The following ZMYND8 variants were observed in gnomAD, a reference collection of about 807,000 sequenced individuals.
ZMYND8 encodes the protein zinc finger MYND-type containing 8.
A neutral mutation model predicts 140.8 loss-of-function variants in ZMYND8; 37 were observed. That is an observed-to-expected ratio of 0.26 (90% CI 0.20 to 0.35). The LOEUF is 0.35. Ranked by LOEUF, ZMYND8 falls within the 10% of genes least tolerant of loss-of-function variation. The pLI is 1.00. For missense variants in ZMYND8, 1,068 were observed against 1,570.0 expected (o/e 0.68, Z 5.40); for synonymous variants, 592 against 597.1 (o/e 0.99, Z 0.12).
chr20:47,280,158 G>A (rs1056293833), intron 10 of ZMYND8, among the ~76,000 whole-genome samples: 3 of 148,860 alleles, frequency 2.0e-5, no homozygotes, highest in Admixed American at 1.3e-4. Flanking sequence ...GGTGGTCAGA[G>A]ACTCCCTGCC....
intron 12 of ZMYND8, 58 bp from the exon 13 acceptor site, chr20:47,249,497 C>G: frequency 6.4e-7 from 1 of 1,574,016 alleles, no homozygotes. Context: ...CATCACGGAG[C>G]TTCGTCCTTG....
At chr20:47,290,040 G>T in intron 7 of ZMYND8, 147 bp downstream of exon 7, 2 of 657,202 alleles carry the variant, frequency 3.0e-6, no homozygotes, top group Non-Finnish European at 4.7e-6. Flanking sequence ...AATGAACTTG[G>T]TCACTGCCTC....
At chr20:47,291,483 AGAG>A (rs977069838) in intron 6 of ZMYND8, among the ~76,000 whole-genome samples, 112 of 152,340 alleles carry the variant, frequency 7.4e-4, no homozygotes, top group African/African-American at 2.6e-3. Flanking sequence ...TCCGAAAGAA[AGAG>A]GAGGTAACGC....
chr20:47,224,233 G>A, intron 19 of ZMYND8, 84 bp downstream of exon 19: 1 of 1,572,052 alleles, frequency 6.4e-7, no homozygotes, highest in Non-Finnish European at 8.6e-7. Context: ...TTGACAATTA[G>A]CCCTGAGACC....
chr20:47,304,272 T>A (rs2078309019), intron 3 of ZMYND8, among the ~76,000 whole-genome samples: 1 of 152,224 alleles, frequency 6.6e-6, no homozygotes, highest in Non-Finnish European at 1.5e-5. Flanking sequence ...GTCTATTTGC[T>A]TCTGGAATAC....
intron 2 of ZMYND8, among the ~76,000 whole-genome samples, chr20:47,342,574 G>A (rs547762825): frequency 2.7e-5 from 4 of 149,262 alleles, no homozygotes; most frequent in East Asian, 4.0e-4. Flanking sequence ...AGCTGGGCAC[G>A]GAGGCTCATG....
At position 47,221,368 on chromosome 20, in the gene ZMYND8, G is replaced by A; in HGVS notation, c.3363C>T (p.Ala1121=). ...SSTQSAPSET[A]SASKEKETSA... is the part of the protein sequence containing the mutation. ...ACGTCTCCTTCTCTTTGGAGGCGCT[G>A]GCCGTTTCTGAAGGTGCTGATTGTG... is the stretch of plus-strand genomic sequence containing the variant. The change falls in exon 20 of 23, where the codon GCC becomes GCT. Residue 1121 remains alanine, a synonymous_variant. Transcript: ENST00000471951. 6.2e-7 allele frequency: 1 copy of A among 1,614,210 alleles called. No homozygotes were observed. The highest frequency in any genetic ancestry group is 8.5e-7 in the Non-Finnish European group (1 of 1,180,034).
intron 11 of ZMYND8, among the ~76,000 whole-genome samples, chr20:47,273,008 G>A (rs1280056530): frequency 1.3e-5 from 2 of 152,172 alleles, no homozygotes; most frequent in Non-Finnish European, 2.9e-5. Context: ...GCAGAGAAAG[G>A]AAACAGGTAT....
chr20:47,229,732 T>C lies in ZMYND8; in HGVS notation c.2931A>G (p.Ile977Met). 6.2e-7 allele frequency: 1 copy of C among 1,613,446 alleles called. No homozygotes were observed. Among genetic ancestry groups the C allele is most frequent in the Non-Finnish European group, 8.5e-7 (1 of 1,179,630 alleles). Reference sequence around the variant, plus strand: ...TTCATGTGTCATCTCTGACCTCAGCTATTGTGCTTCCAGTAGTGTTTTTAG... The same window carrying C: ...TTCATGTGTCATCTCTGACCTCAGCCATTGTGCTTCCAGTAGTGTTTTTAG... Reference protein sequence around the residue: ...DLSKNTTGSTIAEIRRLRIEI... With the variant: ...DLSKNTTGSTMAEIRRLRIEI... The change falls in exon 17 of 23, where the codon ATA (isoleucine) becomes ATG (methionine). Residue 977 changes from isoleucine (I) to methionine (M), a missense_variant. Physicochemically the swap from Ile to Met is conservative, Grantham distance 10. Coordinates refer to ENST00000471951, the MANE Select transcript of ZMYND8 (RefSeq NM_001281775.3).
At chr20:47,259,181 G>A (rs1452749059) in intron 12 of ZMYND8, among the ~76,000 whole-genome samples, 1 of 152,194 alleles carries the variant, frequency 6.6e-6, no homozygotes, top group Non-Finnish European at 1.5e-5. Flanking sequence ...CCGTGAGAAC[G>A]CCTCCAAACA....
At chr20:47,255,722 G>GTATATATATATA (rs369654557) in intron 12 of ZMYND8, among the ~76,000 whole-genome samples, 3 of 77,764 alleles carry the variant, frequency 3.9e-5, no homozygotes, top group Admixed American at 1.7e-4. Flanking sequence ...GTGTATGTGT[G>GTATATATATATA]TATATATATA....
chr20:47,212,659 T>G lies in ZMYND8; in HGVS notation c.3551A>C (p.Asn1184Thr). 5 of 1,613,806 alleles carry G rather than the reference T, an allele frequency of 3.1e-6. No homozygotes were observed. The highest frequency in any genetic ancestry group is 4.2e-6 in the Non-Finnish European group (5 of 1,179,848). ...PTTTDHQPHPNYPAQKYHSRS... is the reference protein window; with the variant it reads ...PTTTDHQPHPTYPAQKYHSRS... ...ATACTTACACTTCTGGGCGGGGTAG[T>G]TGGGGTGCGGCTGGTGGTCTGTGGT... The change falls in exon 22 of 23, where the codon AAC (asparagine) becomes ACC (threonine). Residue 1184 changes from asparagine (N) to threonine (T), a missense_variant. Asn to Thr is a moderately conservative substitution (Grantham distance 65). Coordinates refer to ENST00000471951, the MANE Select transcript of ZMYND8 (RefSeq NM_001281775.3).
rs762098961 is a variant in ZMYND8, at chr20:47,246,413, C to T, written c.1879G>A (p.Glu627Lys). 2 of 1,614,106 alleles carry T rather than the reference C, an allele frequency of 1.2e-6. No individual in the cohort carries two copies. The highest frequency in any genetic ancestry group is 1.3e-5 in the African/African-American group (1 of 75,034). The change falls in exon 14 of 23, where the codon GAG becomes AAG. Residue 627 changes from glutamate to lysine, a missense_variant. Physicochemically the swap from Glu to Lys is moderately conservative, Grantham distance 56 (BLOSUM62 1). This residue lies in a region of ZMYND8 where 383 missense variants were observed against 431.2 expected (regional missense o/e 0.89). Coordinates refer to ENST00000471951, the MANE Select transcript of ZMYND8 (RefSeq NM_001281775.3). ...TCTGGCTCGTTCTTAGACTTCTGCTCATCATCACTGATATACTCACTATCG... is the reference window on the plus strand; with the variant it reads ...TCTGGCTCGTTCTTAGACTTCTGCTTATCATCACTGATATACTCACTATCG... Reference protein sequence around the residue: ...SSDSEYISDDEQKSKNEPEDT... With the variant: ...SSDSEYISDDKQKSKNEPEDT...
intron 18 of ZMYND8, 98 bp from the exon 19 acceptor site, chr20:47,224,654 C>T: frequency 6.4e-7 from 1 of 1,563,924 alleles, no homozygotes; most frequent in Non-Finnish European, 8.6e-7. Flanking sequence ...GGATGCAAGA[C>T]CTGGCTGGGA....
chr20:47,290,106 G>A, intron 7 of ZMYND8, 81 bp downstream of exon 7: 1 of 1,339,118 alleles, frequency 7.5e-7, no homozygotes, highest in Non-Finnish European at 1.0e-6. Context: ...TGAATTAAGA[G>A]CCTGATTTTT....
intron 2 of ZMYND8, among the ~76,000 whole-genome samples, chr20:47,312,080 G>A (rs1197137045): frequency 1.3e-5 from 2 of 152,106 alleles, no homozygotes; most frequent in African/African-American, 2.4e-5. Flanking sequence ...GACCATAGGG[G>A]GGATGGGGTG....
chr20:47,254,450 C>T (rs1269855446), intron 12 of ZMYND8, among the ~76,000 whole-genome samples: 1 of 152,144 alleles, frequency 6.6e-6, no homozygotes, highest in African/African-American at 2.4e-5. Flanking sequence ...TGGAAAGAAG[C>T]GTAGCGTCAG....
intron 19 of ZMYND8, among the ~76,000 whole-genome samples, chr20:47,223,004 C>T (rs895251178): frequency 3.3e-5 from 5 of 152,210 alleles, no homozygotes; most frequent in Admixed American, 6.5e-5. Flanking sequence ...TATTCACTCT[C>T]GCCCTTCACA....
chr20:47,268,554 A>G (rs959089745), intron 11 of ZMYND8, among the ~76,000 whole-genome samples: 1 of 151,528 alleles, frequency 6.6e-6, no homozygotes, highest in Non-Finnish European at 1.5e-5. Context: ...CGGCCTCCCA[A>G]AGTGCTGGGA....
Sources: allele counts gnomAD v4.1 joint callset (sites outside exome capture counted in the v4.1 genomes callset), GRCh38; gene constraint gnomAD v4.1.1; regional missense constraint gnomAD v4.1.1; transcripts MANE v1.5; gene names NCBI Gene and HGNC (gene_info 2026-07-23, HGNC 2026-07-21).